Variants in GALNT18 observed in about 807,000 individuals in gnomAD.
The protein encoded by GALNT18 is GalNAc-transferase 18.
GALNT18 carries 44 observed loss-of-function variants against 69.5 expected under a neutral mutation model. The ratio of observed to expected loss-of-function variants is 0.63; its 90% CI spans 0.50 to 0.81. The LOEUF is 0.81. Among genes scored for constraint, GALNT18 ranks in the 40% least tolerant of loss-of-function variants. The pLI, the probability that GALNT18 is intolerant of heterozygous loss-of-function variation, is 0.00. For synonymous variants in GALNT18, 364 were observed against 318.2 expected, an observed-to-expected ratio of 1.14 and a Z score of -1.53; for missense variants, 715 against 810.0, an observed-to-expected ratio of 0.88 and a Z score of 1.42.
chr11:11,466,096 C>CA (rs5789686), intron 1 of GALNT18, among the ~76,000 whole-genome samples: 11,245 of 152,210 alleles, frequency 0.074, 894 homozygotes, highest in East Asian at 0.21. Flanking sequence ...GGTTACAAAA[C>CA]AATCTTTAGC....
rs183526780 is a variant in GALNT18 at position 11,395,894 on chromosome 11, G to A, written c.596-16630C>T. Reference sequence around the variant, plus strand: ...GGCAAAGCACACTGACCATGACCACGATGCAAATGTCAACTAATTAAAAAG... The same window carrying A: ...GGCAAAGCACACTGACCATGACCACAATGCAAATGTCAACTAATTAAAAAG... On this transcript the variant is annotated intron_variant, in intron 3 of 10. Transcript: ENST00000227756. Among the ~76,000 whole-genome samples the A allele has an allele frequency of 3.9e-3, 601 of 152,232 alleles. 1 individual carries two copies. Among genetic ancestry groups the A allele is most frequent in the Non-Finnish European group, 7.1e-3 (482 of 68,026 alleles).
At chr11:11,611,962 C>T (rs543356864) in intron 1 of GALNT18, among the ~76,000 whole-genome samples, 2 of 152,310 alleles carry the variant, frequency 1.3e-5, no homozygotes, top group East Asian at 3.9e-4. Flanking sequence ...CCCTGCCTGG[C>T]CTCCCATTTG....
intron 6 of GALNT18, chr11:11,353,091 C>T (rs747544221): frequency 6.2e-7 from 1 of 1,614,198 alleles, no homozygotes; most frequent in South Asian, 1.1e-5. Flanking sequence ...TGTGTAAACT[C>T]TGGCCCTGCT....
In GALNT18 at chr11:11,564,938, A is replaced by G. The variant is rs1858606338; in HGVS notation, c.235+56421T>C. 1.3e-5 allele frequency among the ~76,000 whole-genome samples: 2 copies of G among 152,214 alleles called. No homozygotes were observed. The highest frequency in any genetic ancestry group is 6.5e-5 in the Admixed American group (1 of 15,290). On this transcript the variant is annotated intron_variant, in intron 1 of 10. Transcript: ENST00000227756. The surrounding 1 kb of genome is among the most constrained non-coding windows in gnomAD (Gnocchi z 4.3). ...CCCCACAGAATGCTTGCTCTATTGG[A>G]CAGCCCTGATCTAGACCCTAACCCC...
intron 1 of GALNT18, among the ~76,000 whole-genome samples, chr11:11,612,635 A>C (rs1394950105): frequency 6.6e-6 from 1 of 152,218 alleles, no homozygotes; most frequent in Non-Finnish European, 1.5e-5. Context: ...ACAGAGATGG[A>C]TGCACAAGTC....
intron 10 of GALNT18, among the ~76,000 whole-genome samples, chr11:11,288,859 T>A (rs924449598): frequency 2.0e-5 from 3 of 152,162 alleles, no homozygotes. Context: ...TCTATCTTCT[T>A]GGTAGGAGAA....
chr11:11,369,241 T>G (rs2133667516), intron 6 of GALNT18, among the ~76,000 whole-genome samples: 1 of 152,318 alleles, frequency 6.6e-6, no homozygotes, highest in East Asian at 1.9e-4. Context: ...CAGCATAAAT[T>G]TATTCTCTCA....
intron 1 of GALNT18, among the ~76,000 whole-genome samples, chr11:11,510,840 T>C (rs542789328): frequency 2.0e-5 from 3 of 152,308 alleles, no homozygotes; most frequent in South Asian, 2.1e-4. Flanking sequence ...GCTTCTGTGA[T>C]AGTGGACAGT....
chr11:11,319,150 C>A (rs912590466), intron 9 of GALNT18, among the ~76,000 whole-genome samples: 1 of 152,120 alleles, frequency 6.6e-6, no homozygotes, highest in African/African-American at 2.4e-5. Flanking sequence ...GCACTCAGTA[C>A]TTGCTTAACC....
intron 1 of GALNT18, among the ~76,000 whole-genome samples, chr11:11,578,515 C>T (rs559988589): frequency 2.0e-4 from 30 of 152,264 alleles, no homozygotes; most frequent in African/African-American, 6.7e-4. Flanking sequence ...TGTGCAATGG[C>T]CTTAAGCCAA....
intron 1 of GALNT18, among the ~76,000 whole-genome samples, chr11:11,471,112 C>T (rs977619991): frequency 6.6e-6 from 1 of 152,168 alleles, no homozygotes; most frequent in Non-Finnish European, 1.5e-5. Flanking sequence ...CCTAGCCTCT[C>T]ATTTCCCCCA....
intron 3 of GALNT18, among the ~76,000 whole-genome samples, chr11:11,398,145 G>C (rs1176885739): frequency 6.6e-6 from 1 of 152,232 alleles, no homozygotes; most frequent in Non-Finnish European, 1.5e-5. Context: ...GGGATGTTAA[G>C]CAATGTGTTC....
Position 11,340,960 on chromosome 11 carries a change from C to A in GALNT18, c.1137G>T (p.Arg379=). The part of the protein sequence containing the change: ...GGSVEVLPCS[R]IAHIERAHKP... Reference sequence around the variant, plus strand: ...TGTGGGCTCGCTCAATGTGGGCAATCCGTGAGCAGGGCAGGACCTCCACAC... The same window carrying A: ...TGTGGGCTCGCTCAATGTGGGCAATACGTGAGCAGGGCAGGACCTCCACAC... Residue 379 remains arginine, a synonymous_variant, in exon 7 of 11, where the codon CGG becomes CGT. Transcript: ENST00000227756. This position sits in a 1 kb window ranked among gnomAD's most constrained non-coding sequence, Gnocchi z 4.2. 1 of 1,613,410 alleles carries A rather than the reference C, an allele frequency of 6.2e-7. No individual in the cohort carries two copies.
Position 11,616,768 on chromosome 11 carries a change from C to T in GALNT18, c.235+4591G>A, listed in dbSNP as rs61870419. 5.8e-3 allele frequency among the ~76,000 whole-genome samples: 879 copies of T among 152,312 alleles called. 3 individuals carry two copies. Among genetic ancestry groups the T allele is most frequent in the Middle Eastern group, 0.024 (7 of 294 alleles). ...GTGGTCCACTGGGTTTGTTCTCAAA[C>T]GTGTTTACACTATTTGTACTTGTCA... On this transcript the variant is annotated intron_variant, in intron 1 of 10. Coordinates refer to ENST00000227756, the MANE Select transcript of GALNT18 (RefSeq NM_198516.3). The surrounding 1 kb of genome is among the most constrained non-coding windows in gnomAD (Gnocchi z 4.4).
rs1043484084 is a variant in GALNT18, at chr11:11,495,738, G to A, written c.236-46802C>T. ...ACCAGGAACAAGCCAGAAAGCCCTT[G>A]TGAATCCTGAGTTGGGGCAATCCTC... On this transcript the variant is annotated intron_variant, in intron 1 of 10. Coordinates refer to ENST00000227756, the MANE Select transcript of GALNT18 (RefSeq NM_198516.3). Among the ~76,000 whole-genome samples the A allele has an allele frequency of 3.3e-5, 5 of 152,308 alleles. No homozygotes were observed. In the East Asian group the frequency reaches 9.6e-4, roughly 29 times the overall value.
intron 10 of GALNT18, among the ~76,000 whole-genome samples, chr11:11,284,930 T>TTTTTTTTTTTTTTTTTTTA (rs1554909662): frequency 7.4e-6 from 1 of 134,636 alleles, no homozygotes; most frequent in African/African-American, 2.7e-5. Flanking sequence ...TTTTTTTTTT[T>TTTTTTTTTTTTTTTTTTTA]AACTACTTGG....
rs144138147 is a variant in GALNT18, at chr11:11,425,237, C to G, written c.595+7384G>C. 4.0e-3 allele frequency among the ~76,000 whole-genome samples: 606 copies of G among 152,314 alleles called. 1 individual carries two copies. The highest frequency in any genetic ancestry group is 0.013 in the African/African-American group (533 of 41,564). On this transcript the variant is annotated intron_variant, in intron 3 of 10. Coordinates refer to ENST00000227756, the MANE Select transcript of GALNT18 (RefSeq NM_198516.3). ...ACAGATATGGGAGGTTTCTAGCAAA[C>G]ATGGCCAGCATGAAGACCGGGTCCG...
Position 11,576,697 on chromosome 11 carries a change from G to A in GALNT18, c.235+44662C>T, listed in dbSNP as rs184593266. On this transcript the variant is annotated intron_variant, in intron 1 of 10. Coordinates refer to ENST00000227756, the MANE Select transcript of GALNT18 (RefSeq NM_198516.3). Reference sequence around the variant, plus strand: ...GAAGCTTGGGCTAGGGGCTGGGCCTGTTCCCTTAGCCGGGTTAGTGCATGG... The same window carrying A: ...GAAGCTTGGGCTAGGGGCTGGGCCTATTCCCTTAGCCGGGTTAGTGCATGG... Among the ~76,000 whole-genome samples, 4 of 149,752 alleles carry A rather than the reference G, an allele frequency of 2.7e-5. No individual in the cohort carries two copies. The East Asian group carries it at 7.7e-4, about 29-fold the overall frequency.
rs181592566 is a variant in GALNT18 at position 11,369,441 on chromosome 11, T to C, written c.1092+3074A>G. Among the ~76,000 whole-genome samples, 1,339 of 152,318 alleles carry C rather than the reference T, an allele frequency of 8.8e-3. 18 individuals carry two copies. Among genetic ancestry groups the C allele is most frequent in the Non-Finnish European group, 0.013 (911 of 68,022 alleles). On this transcript the variant is annotated intron_variant, in intron 6 of 10. Coordinates refer to ENST00000227756, the MANE Select transcript of GALNT18 (RefSeq NM_198516.3). ...GCTGTCTTTCCTTTACGTCTTCCTG[T>C]GACCAAATTCTCCTCTTCTTATAAG...
Sources: allele counts gnomAD v4.1 joint callset (sites outside exome capture counted in the v4.1 genomes callset), GRCh38; gene constraint gnomAD v4.1.1; non-coding constraint Gnocchi (gnomAD v3.1); transcripts MANE v1.5; gene names NCBI Gene and HGNC (gene_info 2026-07-23, HGNC 2026-07-21).